RIMBP2: variants seen among roughly 807,000 people sequenced by gnomAD.
The protein encoded by RIMBP2 is RIMS-binding protein 2.
In RIMBP2, 48 loss-of-function variants were observed where a neutral mutation model predicts 118.6. That is an observed-to-expected ratio of 0.40 (90% CI 0.32 to 0.51). The LOEUF (loss-of-function observed/expected upper bound fraction) is 0.51, where lower values mean the gene tolerates loss of function less well. Among genes scored for constraint, RIMBP2 ranks in the 20% least tolerant of loss-of-function variants. The pLI is 0.41. For missense variants in RIMBP2, 1,551 were observed against 1,768.3 expected (o/e 0.88, Z 2.20); for synonymous variants, 762 against 742.9 (o/e 1.03, Z -0.42).
At chr12:130,430,629 T>TA (rs2077091509) in intron 14 of RIMBP2, 1 of 135,244 alleles carries the variant, frequency 7.4e-6, no homozygotes, top group Non-Finnish European at 1.6e-5. Context: ...ACAGTCATTT[T>TA]TTTTTTTTTT....
chr12:130,530,578 C>T (rs143176275), intron 2 of RIMBP2, among the ~76,000 whole-genome samples: 22 of 152,298 alleles, frequency 1.4e-4, no homozygotes, highest in African/African-American at 4.8e-4. Context: ...TACATTTATG[C>T]TCTGAGCTTG....
intron 2 of RIMBP2, among the ~76,000 whole-genome samples, chr12:130,584,361 TCACCATCACCTCACCACCATCAC>T (rs2058713288): frequency 1.2e-3 from 15 of 12,098 alleles, no homozygotes; most frequent in East Asian, 9.6e-3. Context: ...ACCACCACCA[TCACCATCACCTCACCACCATCAC>T]CACCATCACC....
rs2076451980 is a variant in RIMBP2 at position 130,422,103 on chromosome 12, C to T, written c.3238+350G>A. ...ACAGACCCCTGAGGCACGCTGACATCCAGCTTCTGCACCTGCCATGGACTG... is the reference window on the plus strand; with the variant it reads ...ACAGACCCCTGAGGCACGCTGACATTCAGCTTCTGCACCTGCCATGGACTG... On this transcript the variant is annotated intron_variant, in intron 17 of 22. Transcript: ENST00000690449. The surrounding 1 kb of genome is among the most constrained non-coding windows in gnomAD (Gnocchi z 5.2). Among the ~76,000 whole-genome samples the T allele has an allele frequency of 1.3e-5, 2 of 152,172 alleles. No individual in the cohort carries two copies. Among genetic ancestry groups the T allele is most frequent in the African/African-American group, 4.8e-5 (2 of 41,452 alleles).
intron 2 of RIMBP2, among the ~76,000 whole-genome samples, chr12:130,609,670 G>A (rs962231429): frequency 7.6e-6 from 1 of 131,186 alleles, no homozygotes; most frequent in African/African-American, 2.8e-5. Context: ...CGTCTGGAGA[G>A]CCAGGAATAC....
At chr12:130,438,041 G>T (rs75163286) in intron 12 of RIMBP2, among the ~76,000 whole-genome samples, 172 of 152,306 alleles carry the variant, frequency 1.1e-3, no homozygotes, top group African/African-American at 3.9e-3. Flanking sequence ...GGGTATCATC[G>T]TGCTAAGACT....
At chr12:130,539,422 G>T (rs2054365913) in intron 2 of RIMBP2, among the ~76,000 whole-genome samples, 1 of 152,234 alleles carries the variant, frequency 6.6e-6, no homozygotes, top group Admixed American at 6.5e-5. Context: ...AAGGAAGTAA[G>T]AGTGTGAGTG....
At position 130,424,693 on chromosome 12, in the gene RIMBP2, T is replaced by G; in HGVS notation, c.2578A>C (p.Arg860=). Residue 860 remains arginine (R), a synonymous_variant, in exon 16 of 23, where the codon AGG becomes CGG. Transcript: ENST00000690449. The surrounding 1 kb of genome is among the most constrained non-coding windows in gnomAD (Gnocchi z 9.8). Reference sequence around the variant, plus strand: ...CTGGGCTCTCTGGCCAGCCCCGTCCTGGCCCTGGGGGACGGCCCTGCACCC... The same window carrying G: ...CTGGGCTCTCTGGCCAGCCCCGTCCGGGCCCTGGGGGACGGCCCTGCACCC... ...KQGAGPSPRA[R]TGLAREPRPG... 2.4e-6 allele frequency: 3 copies of G among 1,231,956 alleles called. No individual in the cohort carries two copies. Among genetic ancestry groups the G allele is most frequent in the Non-Finnish European group, 3.0e-6 (3 of 987,932 alleles). 76.3% of individuals were successfully genotyped at this position (1,231,956 alleles called of 1,614,324 possible).
intron 2 of RIMBP2, among the ~76,000 whole-genome samples, chr12:130,600,338 C>T (rs2059794878): frequency 6.6e-6 from 1 of 152,194 alleles, no homozygotes; most frequent in Admixed American, 6.5e-5. Flanking sequence ...CAGAAACATT[C>T]CAAACCCCTC....
At chr12:130,493,450 G>C (rs951534379) in intron 4 of RIMBP2, among the ~76,000 whole-genome samples, 1 of 152,052 alleles carries the variant, frequency 6.6e-6, no homozygotes, top group Non-Finnish European at 1.5e-5. Flanking sequence ...GAGTAGCTGG[G>C]ATTACAGGCG....
intron 2 of RIMBP2, among the ~76,000 whole-genome samples, chr12:130,518,846 C>A (rs144839973): frequency 0.01 from 1,557 of 152,218 alleles, 11 homozygotes; most frequent in Middle Eastern, 0.051. Context: ...AGAGAACTAA[C>A]CCTACTAAAG....
intron 2 of RIMBP2, among the ~76,000 whole-genome samples, chr12:130,564,467 T>C (rs2057068609): frequency 6.6e-6 from 1 of 152,166 alleles, no homozygotes; most frequent in Non-Finnish European, 1.5e-5. Context: ...AACAATGGTA[T>C]AACAAATGGC....
At chr12:130,624,228 A>G (rs974458533) in intron 2 of RIMBP2, among the ~76,000 whole-genome samples, 1 of 152,266 alleles carries the variant, frequency 6.6e-6, no homozygotes, top group Non-Finnish European at 1.5e-5. Context: ...TTTAAAGCAC[A>G]TACAAAATTA....
At chr12:130,664,381 A>ACGCGCATGCACACACACG (rs1555320812) in intron 1 of RIMBP2, among the ~76,000 whole-genome samples, 1 of 120,512 alleles carries the variant, frequency 8.3e-6, no homozygotes, top group Admixed American at 8.5e-5. Context: ...GCATGCACGC[A>ACGCGCATGCACACACACG]CGCGCATGCA....
rs768510767 is a variant in RIMBP2, at chr12:130,442,596, G to A, written c.756C>T (p.Asn252=). Residue 252 remains asparagine (N), a synonymous_variant, in exon 11 of 23, where the codon AAC becomes AAT. Transcript: ENST00000690449. The surrounding 1 kb of genome is among the most constrained non-coding windows in gnomAD (Gnocchi z 6.9). ...CCAGCGTGCTTGCCAACCGCGACTC[G>A]TTGTCCTGCACAAAGTCCACGAAGT... ...PSNFVDFVQD[N]ESRLASTLGN... is the part of the protein sequence containing the mutation. 3.6e-5 allele frequency: 58 copies of A among 1,614,056 alleles called. No homozygotes were observed. The highest frequency in any genetic ancestry group is 1.6e-4 in the Middle Eastern group (1 of 6,084).
intron 6 of RIMBP2, among the ~76,000 whole-genome samples, chr12:130,459,132 A>G (rs1336586424): frequency 1.3e-5 from 2 of 151,918 alleles, no homozygotes; most frequent in Non-Finnish European, 2.9e-5. Context: ...AGAACAGATC[A>G]GCGGTTGTCA....
At position 130,456,701 on chromosome 12, in the gene RIMBP2, C is replaced by A; in HGVS notation, c.154-1G>T. ...TCTCTTCCAGCTCTCGAACCTTGGA[C>A]TGCACGGCAGAAGCAGGACAGGGGG... is the stretch of plus-strand genomic sequence containing the variant. On this transcript the variant is annotated splice_acceptor_variant, in intron 6 of 22. Coordinates refer to ENST00000690449, the MANE Select transcript of RIMBP2 (RefSeq NM_001393629.1). LOFTEE classifies it high-confidence loss of function. 1 of 1,598,868 alleles carries A rather than the reference C, an allele frequency of 6.3e-7. No homozygotes were observed. The highest frequency in any genetic ancestry group is 8.6e-7 in the Non-Finnish European group (1 of 1,169,212).
At chr12:130,518,684 C>A (rs1205193963) in intron 2 of RIMBP2, among the ~76,000 whole-genome samples, 2 of 152,140 alleles carry the variant, frequency 1.3e-5, no homozygotes, top group Non-Finnish European at 2.9e-5. Flanking sequence ...GAACTCGGAG[C>A]TGCCAATAAT....
At chr12:130,588,248 T>TC (rs1331220314) in intron 2 of RIMBP2, among the ~76,000 whole-genome samples, 2 of 152,182 alleles carry the variant, frequency 1.3e-5, no homozygotes, top group Non-Finnish European at 2.9e-5. Context: ...TTATGAGTAT[T>TC]CCCCAACCCA....
intron 2 of RIMBP2, among the ~76,000 whole-genome samples, chr12:130,535,779 A>ATATATATATATATATG (rs1566218602): frequency 9.0e-6 from 1 of 111,066 alleles, no homozygotes. Context: ...ATATATATAT[A>ATATATATATATATATG]TATACACATA....
Sources: gnomAD v4.1 joint callset for allele counts (sites outside exome capture counted in the v4.1 genomes callset) on GRCh38, gnomAD v4.1.1 for gene constraint, Gnocchi (gnomAD v3.1) non-coding constraint, MANE v1.5 for transcripts, NCBI Gene and HGNC (gene_info 2026-07-23, HGNC 2026-07-21) for gene names.